NR2C2: variants seen among roughly 807,000 people sequenced by gnomAD.
NR2C2 encodes nuclear receptor subfamily 2 group C member 2, also known as Nuclear hormone receptor TR4.
In NR2C2, 6 loss-of-function variants were observed where a neutral mutation model predicts 62.9. The ratio of observed to expected loss-of-function variants is 0.10; its 90% CI spans 0.05 to 0.19. NR2C2 has a LOEUF of 0.19. Among genes scored for constraint, NR2C2 ranks in the 10% least tolerant of loss-of-function variants. NR2C2 has a pLI of 1.00. For synonymous variants in NR2C2, 272 were observed against 273.8 expected (o/e 0.99, Z 0.07); for missense variants, 479 against 762.7 (o/e 0.63, Z 4.38).
intron 4 of NR2C2, among the ~76,000 whole-genome samples, chr3:15,016,566 A>G (rs1468338224): frequency 2.6e-5 from 4 of 152,214 alleles, no homozygotes; most frequent in Non-Finnish European, 5.9e-5. Flanking sequence ...GCACTTGGCT[A>G]TTTTACAAGG....
intron 1 of NR2C2, among the ~76,000 whole-genome samples, chr3:14,973,729 TTTGA>T (rs2040118629): frequency 1.3e-5 from 2 of 152,214 alleles, no homozygotes; most frequent in Non-Finnish European, 2.9e-5. Context: ...TCAACAATCA[TTTGA>T]CATATATTCA....
At chr3:14,978,803 G>C (rs1210513591) in intron 1 of NR2C2, among the ~76,000 whole-genome samples, 2 of 152,180 alleles carry the variant, frequency 1.3e-5, no homozygotes, top group African/African-American at 4.8e-5. Context: ...CTCAGGGTCT[G>C]GGACCTCTTT....
chr3:15,028,764 C>T, intron 8 of NR2C2, 45 bp downstream of exon 8: 1 of 1,598,632 alleles, frequency 6.3e-7, no homozygotes, highest in Non-Finnish European at 8.6e-7. Flanking sequence ...GCCTGGACAC[C>T]CTCCCTCTAT....
chr3:14,967,978 AAAATC>A (rs1293907134), intron 1 of NR2C2, among the ~76,000 whole-genome samples: 4 of 151,770 alleles, frequency 2.6e-5, no homozygotes, highest in Non-Finnish European at 5.9e-5. Flanking sequence ...ACCTTATACA[AAAATC>A]AATTCAAGAT....
intron 2 of NR2C2, among the ~76,000 whole-genome samples, chr3:15,009,440 T>C (rs112497089): frequency 2.6e-5 from 4 of 152,292 alleles, no homozygotes; most frequent in South Asian, 4.1e-4. Flanking sequence ...GAAGAAACCA[T>C]GCATAAACAC....
chr3:15,020,681 T>G, intron 4 of NR2C2, 72 bp from the exon 5 acceptor site: 5 of 1,547,918 alleles, frequency 3.2e-6, no homozygotes, highest in Non-Finnish European at 4.4e-6. Flanking sequence ...GCACAGGAAC[T>G]GACAGATCAC....
At chr3:15,017,609 G>T (rs2041546998) in intron 4 of NR2C2, among the ~76,000 whole-genome samples, 3 of 152,154 alleles carry the variant, frequency 2.0e-5, no homozygotes, top group Admixed American at 2.0e-4. Context: ...TAAAGGAAAG[G>T]CCTAGTCACA....
At chr3:15,040,771 T>A (rs888340523) in intron 13 of NR2C2, among the ~76,000 whole-genome samples, 9 of 152,238 alleles carry the variant, frequency 5.9e-5, no homozygotes, top group African/African-American at 2.2e-4. Flanking sequence ...CTAGAATAAC[T>A]TCAGCCTCAA....
chr3:14,959,935 C>T (rs1574927231), intron 1 of NR2C2, among the ~76,000 whole-genome samples: 1 of 152,016 alleles, frequency 6.6e-6, no homozygotes, highest in Admixed American at 6.6e-5. Flanking sequence ...ATAGATTTTC[C>T]CCATATAGAT....
At chr3:14,973,107 C>T (rs1277353626) in intron 1 of NR2C2, among the ~76,000 whole-genome samples, 1 of 152,100 alleles carries the variant, frequency 6.6e-6, no homozygotes, top group African/African-American at 2.4e-5. Context: ...TTCATAGTGT[C>T]CTTTGATGTA....
intron 9 of NR2C2, among the ~76,000 whole-genome samples, chr3:15,031,949 G>A (rs1013574522): frequency 1.3e-5 from 2 of 151,856 alleles, no homozygotes; most frequent in Non-Finnish European, 2.9e-5. Flanking sequence ...GGCTGGTCTC[G>A]AACTCCTGAC....
intron 1 of NR2C2, among the ~76,000 whole-genome samples, chr3:14,986,734 C>A (rs1288487530): frequency 1.1e-4 from 17 of 152,126 alleles, no homozygotes; most frequent in Admixed American, 1.0e-3. Flanking sequence ...ATTTTGTCTA[C>A]CAGAATAAAA....
intron 1 of NR2C2, among the ~76,000 whole-genome samples, chr3:14,951,184 A>T (rs560816541): frequency 6.6e-6 from 1 of 152,198 alleles, no homozygotes; most frequent in East Asian, 1.9e-4. Flanking sequence ...TCACCATCAC[A>T]GGGGATTGGA....
intron 7 of NR2C2, 141 bp from the exon 8 acceptor site, chr3:15,028,445 A>G: frequency 1.5e-6 from 1 of 672,870 alleles, no homozygotes; most frequent in Non-Finnish European, 2.5e-6. Context: ...ATCACTAAAA[A>G]GATCTTCCTC....
intron 1 of NR2C2, among the ~76,000 whole-genome samples, chr3:14,968,949 C>T (rs2125279842): frequency 6.9e-6 from 1 of 144,330 alleles, no homozygotes; most frequent in East Asian, 2.1e-4. Flanking sequence ...AACACATGGA[C>T]ACAGGAAGGG....
At chr3:15,002,542 G>A (rs529117432) in intron 1 of NR2C2, among the ~76,000 whole-genome samples, 1 of 150,152 alleles carries the variant, frequency 6.7e-6, no homozygotes, top group Non-Finnish European at 1.5e-5. Flanking sequence ...TTCTTTTCCT[G>A]TGATGTCTTT....
intron 1 of NR2C2, among the ~76,000 whole-genome samples, chr3:14,998,867 T>A (rs2040904504): frequency 6.6e-6 from 1 of 151,790 alleles, no homozygotes; most frequent in Non-Finnish European, 1.5e-5. Flanking sequence ...TAAAATTAGG[T>A]GGCGCACGCC....
intron 1 of NR2C2, among the ~76,000 whole-genome samples, chr3:14,971,112 G>T (rs1448192462): frequency 6.6e-6 from 1 of 152,116 alleles, no homozygotes. Context: ...TGTATTAAAT[G>T]CATTTTTTTA....
At chr3:15,024,277 T>A (rs2041761307) in intron 7 of NR2C2, 69 bp downstream of exon 7, 2 of 1,071,464 alleles carry the variant, frequency 1.9e-6, no homozygotes, top group African/African-American at 3.2e-5. Context: ...TCTAACTGTG[T>A]GCACCACTTT....
Sources: gnomAD v4.1 joint callset for allele counts (sites outside exome capture counted in the v4.1 genomes callset) on GRCh38, gnomAD v4.1.1 for gene constraint, MANE v1.5 for transcripts, NCBI Gene and HGNC (gene_info 2026-07-23, HGNC 2026-07-21) for gene names.